The following FRMD3 variants were observed in gnomAD, a reference collection of about 807,000 sequenced individuals.
FRMD3 encodes FERM domain containing 3, also known as FERM domain-containing protein 3.
In FRMD3, 33 loss-of-function variants were observed where a neutral mutation model predicts 70.2. The ratio of observed to expected loss-of-function variants is 0.47; its 90% CI spans 0.36 to 0.63. The LOEUF is 0.63. FRMD3 is among the 20% of genes least tolerant of loss of function. The pLI is 0.00. For missense variants in FRMD3, 632 were observed against 711.4 expected, an observed-to-expected ratio of 0.89 and a Z score of 1.27; for synonymous variants, 279 against 255.9, an observed-to-expected ratio of 1.09 and a Z score of -0.86.
chr9:83,343,141 A>T, intron 5 of FRMD3, 49 bp downstream of exon 5: 1 of 1,313,494 alleles, frequency 7.6e-7, no homozygotes, highest in Non-Finnish European at 1.1e-6. Flanking sequence ...TGAAACAGCC[A>T]GAGCTCCACA....
intron 1 of FRMD3, among the ~76,000 whole-genome samples, chr9:83,407,997 T>C (rs1244011917): frequency 6.6e-6 from 1 of 151,888 alleles, no homozygotes; most frequent in African/African-American, 2.4e-5. Context: ...ACCATGGCAG[T>C]CTCCAGGAAG....
intron 1 of FRMD3, among the ~76,000 whole-genome samples, chr9:83,425,525 A>G (rs548677583): frequency 6.6e-6 from 1 of 152,286 alleles, no homozygotes; most frequent in African/African-American, 2.4e-5. Flanking sequence ...CTTATTCAGA[A>G]GCCTTGATGT....
At chr9:83,552,731 CCTTT>C in the FRMD3 span, among the ~76,000 whole-genome samples, 14 of 151,984 alleles carry the variant, frequency 9.2e-5, no homozygotes, top group South Asian at 2.1e-4. Context: ...TTATGTAATG[CCTTT>C]CTTTGTCTTT....
the FRMD3 span, among the ~76,000 whole-genome samples, chr9:83,572,729 G>A: frequency 3.3e-5 from 5 of 152,178 alleles, no homozygotes; most frequent in Non-Finnish European, 2.9e-5. Context: ...GGGAACAGGC[G>A]TGGAGTAAGA....
At chr9:83,357,427 T>C (rs977044252) in intron 3 of FRMD3, among the ~76,000 whole-genome samples, 2 of 151,432 alleles carry the variant, frequency 1.3e-5, no homozygotes, top group African/African-American at 2.4e-5. Context: ...TCTTTTTCTC[T>C]GGGTACTGGA....
chr9:83,412,742 C>G (rs148970509), intron 1 of FRMD3, among the ~76,000 whole-genome samples: 2,124 of 152,274 alleles, frequency 0.014, 18 homozygotes, highest in South Asian at 0.037. Context: ...CGCCTGTAAT[C>G]CCAGCATTTT....
At position 83,247,719 on chromosome 9, in the gene FRMD3, C is replaced by T. The variant is rs1356780209; in HGVS notation, c.*199G>A. On this transcript the variant is annotated 3_prime_UTR_variant, in exon 14 of 14. Transcript: ENST00000304195. ...GTTATTTAAAGACCATCTTCCTAAC[C>T]TGTAACTAAAATAACTGTATTTGAT... 2.1e-6 allele frequency: 3 copies of T among 1,408,998 alleles called. No homozygotes were observed. Among genetic ancestry groups the T allele is most frequent in the Non-Finnish European group, 2.8e-6 (3 of 1,077,362 alleles). The allele number at this position is 1,408,998 out of a possible 1,614,324, so 87.3% of individuals were successfully genotyped here.
intron 1 of FRMD3, 38 bp from the exon 2 acceptor site, chr9:83,389,746 A>C: frequency 5.6e-5 from 81 of 1,449,444 alleles, no homozygotes; most frequent in Non-Finnish European, 7.5e-5. Flanking sequence ...GCCAGAGCTC[A>C]CCTTGTGCAT....
chr9:83,342,111 T>C lies in FRMD3; in HGVS notation c.472+1079A>G, dbSNP rs143516540. ...TGCCTTCTCTCTCATAAACATGTCA[T>C]TAATGTTCATGCTACCAACAGCTGG... On this transcript the variant is annotated intron_variant, in intron 5 of 13. Transcript: ENST00000304195. Among the ~76,000 whole-genome samples the C allele has an allele frequency of 5.4e-3, 804 of 150,130 alleles. 4 individuals are homozygous for C. The highest frequency in any genetic ancestry group is 0.016 in the African/African-American group (633 of 40,604).
chr9:83,489,348 A>C (rs1288188579), intron 1 of FRMD3, among the ~76,000 whole-genome samples: 1 of 152,196 alleles, frequency 6.6e-6, no homozygotes, highest in African/African-American at 2.4e-5. Context: ...AATATTCTCA[A>C]ACTATGCATC....
chr9:83,315,037 T>A (rs908720303), intron 6 of FRMD3, among the ~76,000 whole-genome samples: 1 of 152,274 alleles, frequency 6.6e-6, no homozygotes, highest in East Asian at 1.9e-4. Flanking sequence ...ATTCTGCTGC[T>A]TCTGTCATTG....
At chr9:83,328,765 A>C (rs1836126880) in intron 6 of FRMD3, among the ~76,000 whole-genome samples, 1 of 152,182 alleles carries the variant, frequency 6.6e-6, no homozygotes, top group African/African-American at 2.4e-5. Flanking sequence ...CTCTTCGATA[A>C]ATATTAGTGG....
At chr9:83,496,394 C>G (rs548230830) in intron 1 of FRMD3, among the ~76,000 whole-genome samples, 23 of 152,248 alleles carry the variant, frequency 1.5e-4, no homozygotes, top group African/African-American at 5.3e-4. Flanking sequence ...GCATATGTGA[C>G]AAAAATCCTA....
At chr9:83,575,990 G>A in the FRMD3 span, among the ~76,000 whole-genome samples, 53,999 of 151,848 alleles carry the variant, frequency 0.36, 9,970 homozygotes, top group Non-Finnish European at 0.39. Flanking sequence ...AGGCCAAGGC[G>A]GGAGGATCAC....
chr9:83,347,935 C>T (rs1824015233), intron 4 of FRMD3, among the ~76,000 whole-genome samples: 1 of 152,128 alleles, frequency 6.6e-6, no homozygotes, highest in Non-Finnish European at 1.5e-5. Flanking sequence ...CACGATATTC[C>T]ACTATTCATA....
Position 83,374,002 on chromosome 9 carries a change from G to A in FRMD3, c.253-1047C>T, listed in dbSNP as rs189784737. ...GGCATTTGCTGAGCGCTTACTAAACGCCAAGTGCCGTTCAAACATTTCCAT... is the reference window on the plus strand; with the variant it reads ...GGCATTTGCTGAGCGCTTACTAAACACCAAGTGCCGTTCAAACATTTCCAT... On this transcript the variant is annotated intron_variant, in intron 2 of 13. Coordinates refer to ENST00000304195, the MANE Select transcript of FRMD3 (RefSeq NM_174938.6). 1.1e-3 allele frequency among the ~76,000 whole-genome samples: 162 copies of A among 152,182 alleles called. 1 individual carries two copies. Among genetic ancestry groups the A allele is most frequent in the African/African-American group, 1.7e-3 (70 of 41,496 alleles).
intron 1 of FRMD3, among the ~76,000 whole-genome samples, chr9:83,530,755 T>A (rs1231662490): frequency 6.6e-6 from 1 of 152,144 alleles, no homozygotes; most frequent in East Asian, 1.9e-4. Context: ...ACTTCCAGGA[T>A]TCCCCAGACA....
chr9:83,498,170 CA>C (rs34136753), intron 1 of FRMD3, among the ~76,000 whole-genome samples: 71,732 of 147,512 alleles, frequency 0.49, 17,423 homozygotes, highest in Middle Eastern at 0.53. Flanking sequence ...ACTCCGTCTC[CA>C]AAAAAAAAAA....
the FRMD3 span, among the ~76,000 whole-genome samples, chr9:83,559,637 C>T: frequency 1.3e-5 from 2 of 152,060 alleles, no homozygotes; most frequent in African/African-American, 4.8e-5. Flanking sequence ...ATGTTTCAAC[C>T]TATCATTTAA....
Sources: allele counts gnomAD v4.1 joint callset (sites outside exome capture counted in the v4.1 genomes callset), GRCh38; gene constraint gnomAD v4.1.1; transcripts MANE v1.5; gene names NCBI Gene and HGNC (gene_info 2026-07-23, HGNC 2026-07-21).